Variants in KIF13B observed in about 807,000 individuals in gnomAD.
The protein encoded by KIF13B is kinesin family member 13B.
In KIF13B, 127 loss-of-function variants were observed where a neutral mutation model predicts 222.0. That is an observed-to-expected ratio of 0.57 (90% CI 0.50 to 0.66). KIF13B has a LOEUF of 0.66. Ranked by LOEUF, KIF13B falls within the 30% of genes least tolerant of loss-of-function variation. The probability of loss-of-function intolerance (pLI) is 0.00; values close to 1 mark genes in which losing one functional copy is unlikely to be tolerated. For missense variants in KIF13B, 2,173 were observed against 2,379.0 expected, an observed-to-expected ratio of 0.91 and a Z score of 1.80; for synonymous variants, 976 against 919.0, an observed-to-expected ratio of 1.06 and a Z score of -1.12.
intron 14 of KIF13B, among the ~76,000 whole-genome samples, chr8:29,152,564 C>T (rs1327130808): frequency 6.6e-6 from 1 of 152,148 alleles, no homozygotes; most frequent in Non-Finnish European, 1.5e-5. Context: ...AGAAAGGCTA[C>T]CCCCTGCTGA....
chr8:29,119,179 CA>C (rs1038935776), intron 29 of KIF13B, among the ~76,000 whole-genome samples, 187 bp from the exon 30 acceptor site: 3 of 152,160 alleles, frequency 2.0e-5, no homozygotes, highest in Admixed American at 2.0e-4. Context: ...GAAAGTGCCT[CA>C]AAAAATGATC....
intron 12 of KIF13B, among the ~76,000 whole-genome samples, chr8:29,164,339 AG>A (rs1241917505): frequency 2.0e-5 from 3 of 152,248 alleles, no homozygotes; most frequent in African/African-American, 7.2e-5. Flanking sequence ...TACAAGGAAC[AG>A]TTAAAAACAA....
At chr8:29,237,183 C>G (rs77502317) in intron 2 of KIF13B, among the ~76,000 whole-genome samples, 4,821 of 151,968 alleles carry the variant, frequency 0.032, 96 homozygotes, top group Middle Eastern at 0.054. Context: ...AATCTAGATT[C>G]TTATACAGCA....
intron 2 of KIF13B, among the ~76,000 whole-genome samples, chr8:29,220,958 A>G (rs1251987045): frequency 1.3e-5 from 2 of 151,986 alleles, no homozygotes; most frequent in African/African-American, 2.4e-5. Context: ...AAATAAATAT[A>G]TTTTTATATG....
At chr8:29,167,871 C>T (rs1812074645) in intron 10 of KIF13B, among the ~76,000 whole-genome samples, 1 of 152,142 alleles carries the variant, frequency 6.6e-6, no homozygotes, top group Admixed American at 6.5e-5. Flanking sequence ...GTCATCTGCC[C>T]TATTTTATAG....
At chr8:29,103,655 G>A (rs762505822) in intron 35 of KIF13B, among the ~76,000 whole-genome samples, 2 of 152,144 alleles carry the variant, frequency 1.3e-5, no homozygotes, top group Non-Finnish European at 2.9e-5. Flanking sequence ...TCTTGGTGGA[G>A]TTCAGCAAAA....
intron 29 of KIF13B, among the ~76,000 whole-genome samples, 185 bp downstream of exon 29, chr8:29,122,406 G>A (rs1482343770): frequency 6.6e-6 from 1 of 152,188 alleles, no homozygotes; most frequent in African/African-American, 2.4e-5. Flanking sequence ...GCCTATTATT[G>A]TCATAAACAT....
At chr8:29,151,904 T>C (rs963333463) in intron 14 of KIF13B, among the ~76,000 whole-genome samples, 1 of 142,586 alleles carries the variant, frequency 7.0e-6, no homozygotes, top group Non-Finnish European at 1.6e-5. Context: ...ACAGTGATTC[T>C]TCTAATGGAT....
At chr8:29,262,129 G>C (rs971275989) in intron 1 of KIF13B, among the ~76,000 whole-genome samples, 4 of 152,124 alleles carry the variant, frequency 2.6e-5, no homozygotes, top group African/African-American at 7.2e-5. Flanking sequence ...AACTCACCCA[G>C]TCATGCTGCT....
intron 6 of KIF13B, among the ~76,000 whole-genome samples, chr8:29,183,168 GTTTTTTTTT>G (rs58034349): frequency 2.5e-5 from 3 of 117,688 alleles, no homozygotes; most frequent in Non-Finnish European, 5.2e-5. Flanking sequence ...CTTAAAGTTT[GTTTTTTTTT>G]TTTTTTTTTT....
intron 2 of KIF13B, among the ~76,000 whole-genome samples, chr8:29,227,653 G>T (rs1175464813): frequency 6.6e-6 from 1 of 152,142 alleles, no homozygotes; most frequent in East Asian, 1.9e-4. Flanking sequence ...AAAAGGTTGC[G>T]AATTTCTGCT....
At chr8:29,262,901 C>G in intron 1 of KIF13B, 79 bp downstream of exon 1, 1 of 1,183,348 alleles carries the variant, frequency 8.5e-7, no homozygotes, top group Non-Finnish European at 1.2e-6. Context: ...GCCGCCGGAC[C>G]CCCCACGGCG....
intron 12 of KIF13B, among the ~76,000 whole-genome samples, chr8:29,164,870 T>TG (rs1475194598): frequency 6.6e-6 from 1 of 151,668 alleles, no homozygotes; most frequent in East Asian, 1.9e-4. Flanking sequence ...TTTTTTTAGA[T>TG]GGAGTCTTGC....
At chr8:29,204,098 T>A (rs927073972) in intron 2 of KIF13B, among the ~76,000 whole-genome samples, 1 of 151,966 alleles carries the variant, frequency 6.6e-6, no homozygotes, top group African/African-American at 2.4e-5. Context: ...GAAAACTTAT[T>A]TAAATGTAGA....
intron 38 of KIF13B, among the ~76,000 whole-genome samples, chr8:29,073,650 T>A (rs368654270): frequency 6.6e-6 from 1 of 152,224 alleles, no homozygotes; most frequent in African/African-American, 2.4e-5. Context: ...CATTTTCCAT[T>A]TGAAATACGG....
intron 33 of KIF13B, 55 bp downstream of exon 33, chr8:29,109,863 G>A: frequency 6.4e-7 from 1 of 1,566,868 alleles, no homozygotes; most frequent in South Asian, 1.1e-5. Context: ...GTCAAACACA[G>A]ACTCAGCCTG....
At chr8:29,204,061 A>T (rs1813822111) in intron 2 of KIF13B, among the ~76,000 whole-genome samples, 1 of 152,166 alleles carries the variant, frequency 6.6e-6, no homozygotes, top group African/African-American at 2.4e-5. Context: ...GACAGTTGGT[A>T]GATACTGGTA....
intron 2 of KIF13B, among the ~76,000 whole-genome samples, chr8:29,212,521 T>C (rs773955691): frequency 1.3e-5 from 2 of 152,050 alleles, no homozygotes; most frequent in Non-Finnish European, 2.9e-5. Context: ...CTCAATGGAG[T>C]TTCTCTCCAC....
chr8:29,256,498 T>G lies in KIF13B; in HGVS notation c.55+6482A>C, dbSNP rs535808633. ...GCCATCAGTGCACTAGGTACATATA[T>G]TCTTCCAATGAACTCACATGTGCAT... On this transcript the variant is annotated intron_variant, in intron 1 of 39. Transcript: ENST00000524189. 3.3e-5 allele frequency among the ~76,000 whole-genome samples: 5 copies of G among 152,332 alleles called. No individual in the cohort carries two copies. The South Asian group carries it at 1.0e-3, about 32-fold the overall frequency.
Sources: gnomAD v4.1 joint callset for allele counts (sites outside exome capture counted in the v4.1 genomes callset) on GRCh38, gnomAD v4.1.1 for gene constraint, MANE v1.5 for transcripts, NCBI Gene and HGNC (gene_info 2026-07-23, HGNC 2026-07-21) for gene names.